RNF4: variants seen among roughly 807,000 people sequenced by gnomAD.
RNF4 encodes the protein E3 ubiquitin-protein ligase RNF4.
In RNF4, 7 loss-of-function variants were observed where a neutral mutation model predicts 24.3. The ratio of observed to expected loss-of-function variants is 0.29; its 90% CI spans 0.16 to 0.54. RNF4 has a LOEUF of 0.54. RNF4 is among the 20% of genes least tolerant of loss of function. The pLI is 0.95. For missense variants in RNF4, 209 were observed against 248.5 expected (o/e 0.84, Z 1.07); for synonymous variants, 83 against 84.3 (o/e 0.98, Z 0.09).
At chr4:2,493,684 T>C (rs1230234193) in intron 2 of RNF4, among the ~76,000 whole-genome samples, 7 of 131,224 alleles carry the variant, frequency 5.3e-5, no homozygotes, top group Non-Finnish European at 9.4e-5. Context: ...GCAGAAGTTG[T>C]GGTGAGCCGA....
chr4:2,500,808 G>A, intron 4 of RNF4, 70 bp downstream of exon 4: 1 of 1,455,178 alleles, frequency 6.9e-7, no homozygotes, highest in East Asian at 2.3e-5. Context: ...GCATCTGACA[G>A]CCTTGGTCAC....
At position 2,478,567 on chromosome 4, in the gene RNF4, G is replaced by A. The variant is rs201287618; in HGVS notation, c.-158+9309G>A. Among the ~76,000 whole-genome samples, 3 of 152,248 alleles carry A rather than the reference G, an allele frequency of 2.0e-5. No homozygotes were observed. In the South Asian group the frequency reaches 6.2e-4, roughly 31 times the overall value. ...GCCGTCTCAGCTGTGGCCAAAAGGGGCCAACATAGAGTAGAACTCAGGCTG... is the reference window on the plus strand; with the variant it reads ...GCCGTCTCAGCTGTGGCCAAAAGGGACCAACATAGAGTAGAACTCAGGCTG... On this transcript the variant is annotated intron_variant, in intron 1 of 7. Coordinates refer to ENST00000314289, the MANE Select transcript of RNF4 (RefSeq NM_002938.5).
intron 1 of RNF4, chr4:2,481,145 A>G (rs1735232043): frequency 6.6e-6 from 1 of 152,240 alleles, no homozygotes; most frequent in African/African-American, 2.4e-5. Flanking sequence ...CCACTTCTCA[A>G]TAACTCACAA....
At chr4:2,506,422 T>C (rs1160921804) in intron 4 of RNF4, 2 of 152,214 alleles carry the variant, frequency 1.3e-5, no homozygotes, top group Non-Finnish European at 2.9e-5. Flanking sequence ...CCTCAAGTGA[T>C]ATACCTGACT....
At chr4:2,503,553 C>T (rs1339648552) in intron 4 of RNF4, among the ~76,000 whole-genome samples, 1 of 152,192 alleles carries the variant, frequency 6.6e-6, no homozygotes, top group Non-Finnish European at 1.5e-5. Context: ...CTGCTTTGGA[C>T]TTGATAGCTC....
At chr4:2,502,528 AC>A (rs540668436) in intron 4 of RNF4, among the ~76,000 whole-genome samples, 105 of 152,152 alleles carry the variant, frequency 6.9e-4, no homozygotes, top group African/African-American at 2.5e-3. Flanking sequence ...TACTAAAAAT[AC>A]AAAAATTATG....
intron 3 of RNF4, among the ~76,000 whole-genome samples, chr4:2,498,307 C>G (rs1315299460): frequency 1.3e-5 from 2 of 152,060 alleles, no homozygotes; most frequent in Non-Finnish European, 2.9e-5. Context: ...CCTCAGCTTC[C>G]CAAGTAGCTG....
At chr4:2,497,257 A>G in intron 3 of RNF4, 136 bp downstream of exon 3, 1 of 576,462 alleles carries the variant, frequency 1.7e-6, no homozygotes, top group Non-Finnish European at 3.1e-6. Context: ...GTACAACTCA[A>G]AGCTTCACAG....
intron 3 of RNF4, among the ~76,000 whole-genome samples, chr4:2,499,126 G>A (rs1735833119): frequency 6.7e-6 from 1 of 148,950 alleles, no homozygotes; most frequent in African/African-American, 2.5e-5. Flanking sequence ...GCACCTGGGA[G>A]GCAGAGGTTG....
At chr4:2,492,856 A>G (rs931160645) in intron 2 of RNF4, among the ~76,000 whole-genome samples, 8 of 152,320 alleles carry the variant, frequency 5.3e-5, no homozygotes, top group East Asian at 1.9e-4. Context: ...GCCTTAACCC[A>G]TCTCTGCTTA....
chr4:2,510,382 C>T (rs1309938058), intron 4 of RNF4, among the ~76,000 whole-genome samples: 2 of 152,304 alleles, frequency 1.3e-5, no homozygotes, highest in Admixed American at 6.5e-5. Flanking sequence ...GGTCTGGAGG[C>T]GGCATCCACC....
At chr4:2,483,328 T>TGAGGACAA (rs140416006) in intron 1 of RNF4, among the ~76,000 whole-genome samples, 118 of 152,342 alleles carry the variant, frequency 7.7e-4, no homozygotes, top group African/African-American at 2.6e-3. Context: ...CAATTAAAGA[T>TGAGGACAA]GTGGACACTG....
intron 2 of RNF4, among the ~76,000 whole-genome samples, chr4:2,495,323 G>T (rs1262968276): frequency 6.6e-6 from 1 of 152,292 alleles, no homozygotes; most frequent in South Asian, 2.1e-4. Flanking sequence ...GGTGTTCCTG[G>T]ATCTTGTATG....
chr4:2,504,671 C>A (rs1040853557), intron 4 of RNF4, among the ~76,000 whole-genome samples: 2 of 150,434 alleles, frequency 1.3e-5, no homozygotes, highest in South Asian at 4.2e-4. Context: ...CTGCCTCAGC[C>A]TCCAGAGTAG....
intron 4 of RNF4, among the ~76,000 whole-genome samples, chr4:2,508,600 TTTTTTG>T (rs1163003608): frequency 2.6e-5 from 4 of 152,196 alleles, no homozygotes; most frequent in South Asian, 2.1e-4. Flanking sequence ...TTTTGTTTTG[TTTTTTG>T]TTTTTGTTTT....
chr4:2,513,550 G>T (rs2354513), intron 7 of RNF4, 120 bp from the exon 8 acceptor site: 4 of 1,196,656 alleles, frequency 3.3e-6, no homozygotes, highest in Non-Finnish European at 4.7e-6. Flanking sequence ...CCCTGTTGTA[G>T]CCTGGCCCTT....
intron 1 of RNF4, among the ~76,000 whole-genome samples, chr4:2,481,616 C>T (rs973096412): frequency 1.3e-5 from 2 of 152,190 alleles, no homozygotes; most frequent in African/African-American, 4.8e-5. Context: ...CTCCTGCTCT[C>T]TTCTGCCTTT....
chr4:2,490,770 TGTCA>T, intron 2 of RNF4: 2 of 386,966 alleles, frequency 5.2e-6, no homozygotes, highest in African/African-American at 2.0e-5. Context: ...TCACAACAGT[TGTCA>T]GTGTCATAGA....
intron 1 of RNF4, among the ~76,000 whole-genome samples, chr4:2,474,595 A>G (rs1315946519): frequency 3.3e-5 from 5 of 152,222 alleles, no homozygotes; most frequent in African/African-American, 1.2e-4. Flanking sequence ...AAACAGTGGC[A>G]GGGTTTGAAA....
Sources: gnomAD v4.1 joint callset for allele counts (sites outside exome capture counted in the v4.1 genomes callset) on GRCh38, gnomAD v4.1.1 for gene constraint, MANE v1.5 for transcripts, NCBI Gene and HGNC (gene_info 2026-07-23, HGNC 2026-07-21) for gene names.